The following EFCAB11 variants were observed in gnomAD, a reference collection of about 807,000 sequenced individuals.
The protein encoded by EFCAB11 is EF-hand calcium-binding domain-containing protein 11.
In EFCAB11, 14 loss-of-function variants were observed where a neutral mutation model predicts 23.0. That is an observed-to-expected ratio of 0.61 (90% CI 0.40 to 0.95). EFCAB11 has a LOEUF of 0.95. Among genes scored for constraint, EFCAB11 ranks in the 40% least tolerant of loss-of-function variants. The pLI, the probability that EFCAB11 is intolerant of heterozygous loss-of-function variation, is 0.00. For synonymous variants in EFCAB11, 65 were observed against 66.6 expected, an observed-to-expected ratio of 0.98 and a Z score of 0.11; for missense variants, 198 against 195.8, an observed-to-expected ratio of 1.01 and a Z score of -0.07.
chr14:89,911,437 A>AGAACCTTCC (rs1889673569), intron 5 of EFCAB11, among the ~76,000 whole-genome samples: 2 of 152,364 alleles, frequency 1.3e-5, no homozygotes, highest in South Asian at 2.1e-4. Context: ...GACAAACACG[A>AGAACCTTCC]GAACCTTCCT....
At chr14:89,846,535 C>G (rs766731497) in intron 5 of EFCAB11, among the ~76,000 whole-genome samples, 1 of 152,234 alleles carries the variant, frequency 6.6e-6, no homozygotes, top group Non-Finnish European at 1.5e-5. Context: ...TCTGCTTCAA[C>G]AATTGATCTC....
At chr14:89,826,393 G>C (rs1296203366) in intron 5 of EFCAB11, among the ~76,000 whole-genome samples, 1 of 151,778 alleles carries the variant, frequency 6.6e-6, no homozygotes, top group Non-Finnish European at 1.5e-5. Context: ...TCCCAGGCCA[G>C]AGAGAGCTAG....
chr14:89,816,380 A>C (rs951305935), intron 5 of EFCAB11, among the ~76,000 whole-genome samples: 4 of 152,196 alleles, frequency 2.6e-5, no homozygotes, highest in African/African-American at 9.6e-5. Context: ...CATTTCCTTA[A>C]AAAGAAAGTC....
intron 5 of EFCAB11, among the ~76,000 whole-genome samples, chr14:89,883,021 C>T (rs1318912863): frequency 2.0e-5 from 3 of 152,076 alleles, no homozygotes; most frequent in East Asian, 1.9e-4. Flanking sequence ...CCTCTCTTGC[C>T]GTGTGATCTC....
intron 5 of EFCAB11, among the ~76,000 whole-genome samples, chr14:89,815,582 A>C (rs1375763484): frequency 6.6e-6 from 1 of 151,932 alleles, no homozygotes; most frequent in Non-Finnish European, 1.5e-5. Context: ...GCGCGCCACC[A>C]CGCTGGCTAA....
rs145711692 is a variant in EFCAB11 at position 89,890,047 on chromosome 14, C to T, written c.410+41494G>A. On this transcript the variant is annotated intron_variant, in intron 5 of 5. Coordinates refer to ENST00000316738, the MANE Select transcript of EFCAB11 (RefSeq NM_145231.4). The stretch of plus-strand genomic sequence containing the variant: ...TTGGGGACCCATCAACACACTTGGA[C>T]ACAGTTAATCAATTATTTTGTCGTA... Among the ~76,000 whole-genome samples the T allele has an allele frequency of 2.1e-4, 32 of 152,284 alleles. No homozygotes were observed. In the East Asian group the frequency reaches 4.0e-3, roughly 19 times the overall value.
At chr14:89,800,483 C>T (rs1885740135) in intron 5 of EFCAB11, among the ~76,000 whole-genome samples, 1 of 152,136 alleles carries the variant, frequency 6.6e-6, no homozygotes, top group Non-Finnish European at 1.5e-5. Flanking sequence ...TGGTCTAACC[C>T]ATAGTCAAAG....
At chr14:89,914,951 G>A (rs1889790168) in intron 5 of EFCAB11, among the ~76,000 whole-genome samples, 1 of 151,786 alleles carries the variant, frequency 6.6e-6, no homozygotes, top group Admixed American at 6.6e-5. Context: ...ACAGTAAAGG[G>A]TTAAACAAAC....
intron 3 of EFCAB11, among the ~76,000 whole-genome samples, chr14:89,936,041 G>C (rs1014887723): frequency 2.6e-5 from 4 of 151,718 alleles, no homozygotes; most frequent in Non-Finnish European, 5.9e-5. Flanking sequence ...TGTTTTAAAT[G>C]ATCTTATAAC....
At chr14:89,954,449 C>T in intron 1 of EFCAB11, 137 bp downstream of exon 1, 2 of 1,537,548 alleles carry the variant, frequency 1.3e-6, no homozygotes. Context: ...CAGGATCAGT[C>T]ATTAACCACG....
intron 5 of EFCAB11, among the ~76,000 whole-genome samples, chr14:89,928,524 C>G (rs1890264914): frequency 6.6e-6 from 1 of 151,772 alleles, no homozygotes; most frequent in Non-Finnish European, 1.5e-5. Context: ...CATCATGCCA[C>G]TGACTCCATC....
chr14:89,821,463 A>G (rs1301784428), intron 5 of EFCAB11, among the ~76,000 whole-genome samples: 2 of 152,216 alleles, frequency 1.3e-5, no homozygotes, highest in Non-Finnish European at 2.9e-5. Flanking sequence ...GTAATACCAT[A>G]TGGCTCCTAT....
intron 3 of EFCAB11, among the ~76,000 whole-genome samples, chr14:89,939,013 C>G (rs1049332577): frequency 6.7e-6 from 1 of 148,300 alleles, no homozygotes; most frequent in African/African-American, 2.5e-5. Flanking sequence ...ATAGAGAAAT[C>G]TGAACCAATA....
At chr14:89,892,457 A>C (rs1889002529) in intron 5 of EFCAB11, 4 of 1,538,362 alleles carry the variant, frequency 2.6e-6, no homozygotes, top group South Asian at 1.3e-5. Context: ...CTAGGAGAGA[A>C]AGGGTTAAAG....
intron 3 of EFCAB11, among the ~76,000 whole-genome samples, chr14:89,943,729 A>T (rs1043917067): frequency 2.0e-5 from 3 of 152,178 alleles, no homozygotes; most frequent in African/African-American, 7.2e-5. Context: ...TCTAATAGAA[A>T]AATTGCATGT....
intron 5 of EFCAB11, among the ~76,000 whole-genome samples, chr14:89,827,927 C>T (rs1886755552): frequency 1.3e-5 from 2 of 152,256 alleles, no homozygotes; most frequent in South Asian, 4.2e-4. Context: ...GCCACCATGC[C>T]TGGCCTTTTA....
At chr14:89,842,526 G>C (rs930598369) in intron 5 of EFCAB11, among the ~76,000 whole-genome samples, 2 of 152,188 alleles carry the variant, frequency 1.3e-5, no homozygotes, top group African/African-American at 4.8e-5. Flanking sequence ...AGTGAGCCGA[G>C]ATCGTGCCAC....
At chr14:89,835,058 G>T (rs1209920733) in intron 5 of EFCAB11, among the ~76,000 whole-genome samples, 1 of 152,188 alleles carries the variant, frequency 6.6e-6, no homozygotes, top group Non-Finnish European at 1.5e-5. Flanking sequence ...AAGACATTAT[G>T]CTTTGATGAC....
intron 5 of EFCAB11, among the ~76,000 whole-genome samples, chr14:89,891,325 G>A (rs1357104452): frequency 6.6e-6 from 1 of 152,176 alleles, no homozygotes; most frequent in Non-Finnish European, 1.5e-5. Flanking sequence ...ATAACTTGAA[G>A]TGACTTCAGG....
Sources: gnomAD v4.1 joint callset for allele counts (sites outside exome capture counted in the v4.1 genomes callset) on GRCh38, gnomAD v4.1.1 for gene constraint, MANE v1.5 for transcripts, NCBI Gene and HGNC (gene_info 2026-07-23, HGNC 2026-07-21) for gene names.